The following CYRIB variants were observed in gnomAD, a reference collection of about 807,000 sequenced individuals.
The protein encoded by CYRIB is CYFIP-related Rac1 interactor B.
A neutral mutation model predicts 44.2 loss-of-function variants in CYRIB; 8 were observed. The observed-to-expected ratio is 0.18, with a 90% CI of 0.11 to 0.33. CYRIB has a LOEUF of 0.33. CYRIB is among the 10% of genes least tolerant of loss of function. CYRIB has a pLI of 1.00. For synonymous variants in CYRIB, 131 were observed against 127.2 expected, an observed-to-expected ratio of 1.03 and a Z score of -0.20; for missense variants, 185 against 382.8, an observed-to-expected ratio of 0.48 and a Z score of 4.31.
At chr8:129,931,351 ATC>A (rs2091274450) in intron 1 of CYRIB, among the ~76,000 whole-genome samples, 1 of 152,208 alleles carries the variant, frequency 6.6e-6, no homozygotes, top group Non-Finnish European at 1.5e-5. Flanking sequence ...AAGCAAACTA[ATC>A]TCACACCTTG....
chr8:129,918,035 C>T (rs974793393), intron 1 of CYRIB, among the ~76,000 whole-genome samples: 7 of 152,096 alleles, frequency 4.6e-5, no homozygotes, highest in African/African-American at 1.2e-4. Flanking sequence ...TTCATTTTCA[C>T]GTGTTTACGA....
At chr8:129,855,417 G>T (rs946427074) in intron 6 of CYRIB, among the ~76,000 whole-genome samples, 194 bp downstream of exon 8, 2 of 151,298 alleles carry the variant, frequency 1.3e-5, no homozygotes, top group African/African-American at 4.9e-5. Flanking sequence ...GATTGAGACC[G>T]AATACTCAGT....
At chr8:129,986,216 G>T (rs1392542315) in intron 1 of CYRIB, among the ~76,000 whole-genome samples, 1 of 152,194 alleles carries the variant, frequency 6.6e-6, no homozygotes, top group East Asian at 1.9e-4. Flanking sequence ...TTCAATAAAT[G>T]ATTGCTAAAG....
At chr8:129,846,632 G>A (rs1239493375) in intron 11 of CYRIB, among the ~76,000 whole-genome samples, 172 bp downstream of exon 13, 13 of 152,158 alleles carry the variant, frequency 8.5e-5, no homozygotes, top group Non-Finnish European at 1.3e-4. Flanking sequence ...ATAAAATACC[G>A]TAACCAGTGT....
intron 2 of CYRIB, among the ~76,000 whole-genome samples, chr8:129,884,079 A>G (rs1404195766): frequency 6.6e-6 from 1 of 152,150 alleles, no homozygotes; most frequent in Admixed American, 6.5e-5. Flanking sequence ...AGTGTCCTGG[A>G]GTCATTAATT....
chr8:130,008,963 G>A (rs1224336374), intron 1 of CYRIB, among the ~76,000 whole-genome samples: 4 of 152,224 alleles, frequency 2.6e-5, no homozygotes, highest in African/African-American at 7.2e-5. Flanking sequence ...TCCCAGCACT[G>A]AGGCTCTGTA....
chr8:129,859,885 C>T (rs2048416156), intron 5 of CYRIB, among the ~76,000 whole-genome samples: 1 of 152,206 alleles, frequency 6.6e-6, no homozygotes, highest in Non-Finnish European at 1.5e-5. Context: ...TCTCTTGCCT[C>T]GGCACCTGGG....
intron 5 of CYRIB, among the ~76,000 whole-genome samples, chr8:129,861,507 A>G (rs931573534): frequency 2.0e-5 from 3 of 151,978 alleles, no homozygotes; most frequent in African/African-American, 7.3e-5. Context: ...TGGTGTGATC[A>G]CAGCTACTGC....
At chr8:129,998,957 G>C (rs906566048) in intron 1 of CYRIB, among the ~76,000 whole-genome samples, 25 of 152,236 alleles carry the variant, frequency 1.6e-4, no homozygotes, top group Admixed American at 7.2e-4. Flanking sequence ...ATGCTAAGTA[G>C]AACAGAGAGC....
chr8:129,939,320 G>C (rs960660843), intron 1 of CYRIB, among the ~76,000 whole-genome samples: 2 of 151,932 alleles, frequency 1.3e-5, no homozygotes, highest in East Asian at 1.9e-4. Context: ...ATCTGGGGTG[G>C]GAGGGGGCGG....
In CYRIB at chr8:130,009,261, A is replaced by C. The variant is rs1483148814; in HGVS notation, c.-296+7109T>G. Among the ~76,000 whole-genome samples the C allele has an allele frequency of 4.0e-5, 6 of 150,520 alleles. No individual in the cohort carries two copies. The East Asian group carries it at 1.2e-3, about 29-fold the overall frequency. On this transcript the variant is annotated intron_variant, in intron 1 of 14. Coordinates refer to the CYRIB transcript ENST00000401979. ...TTTCATAAAGCCATCTGAGGAGTTC[A>C]AAAGCATCTTTTTTTTTTTTTTTGA...
At chr8:129,987,590 G>A (rs1300309657) in intron 1 of CYRIB, among the ~76,000 whole-genome samples, 1 of 127,644 alleles carries the variant, frequency 7.8e-6, no homozygotes, top group African/African-American at 3.0e-5. Context: ...TTTTTTATGA[G>A]ACTGAGTCTC....
At chr8:129,909,116 A>C (rs545987129) in intron 1 of CYRIB, among the ~76,000 whole-genome samples, 1 of 152,190 alleles carries the variant, frequency 6.6e-6, no homozygotes, top group African/African-American at 2.4e-5. Context: ...CTCTATTGTA[A>C]ACCCATGCTC....
Position 129,998,191 on chromosome 8 carries a change from C to A in CYRIB, c.-296+18179G>T, listed in dbSNP as rs143645732. 7.3e-3 allele frequency among the ~76,000 whole-genome samples: 1,104 copies of A among 151,846 alleles called. 19 individuals carry two copies. The highest frequency in any genetic ancestry group is 0.025 in the African/African-American group (1,046 of 41,366). On this transcript the variant is annotated intron_variant, in intron 1 of 14. Coordinates refer to the CYRIB transcript ENST00000401979. ...TGCCCCTTCCAGAGCACTGTCAGCTCATCGCAGGACCTCAGTGTCCACATC... is the reference window on the plus strand; with the variant it reads ...TGCCCCTTCCAGAGCACTGTCAGCTAATCGCAGGACCTCAGTGTCCACATC...
At chr8:129,851,995 T>C (rs2043507491) in intron 8 of CYRIB, 167 bp downstream of exon 10, 1 of 404,918 alleles carries the variant, frequency 2.5e-6, no homozygotes. Context: ...TGCAAATACG[T>C]GGACAGGTGT....
At chr8:129,972,445 C>T (rs1376597309) in intron 1 of CYRIB, among the ~76,000 whole-genome samples, 1 of 151,890 alleles carries the variant, frequency 6.6e-6, no homozygotes, top group Non-Finnish European at 1.5e-5. Context: ...AGCGTGGTGG[C>T]ACATGCCTGT....
intron 1 of CYRIB, among the ~76,000 whole-genome samples, chr8:129,919,303 T>C (rs756597141): frequency 3.9e-5 from 6 of 152,208 alleles, no homozygotes; most frequent in South Asian, 2.1e-4. Flanking sequence ...AATAGAACAA[T>C]AGATTTTAAG....
At chr8:129,849,404 C>T in intron 9 of CYRIB, 35 bp from the exon 12 acceptor site, 1 of 1,566,640 alleles carries the variant, frequency 6.4e-7, no homozygotes, top group South Asian at 1.2e-5. Context: ...GGAAGAAGTG[C>T]ATTACAAAAT....
chr8:129,975,298 G>T (rs1053718013), intron 1 of CYRIB, among the ~76,000 whole-genome samples: 1 of 152,204 alleles, frequency 6.6e-6, no homozygotes, highest in Non-Finnish European at 1.5e-5. Context: ...TTACAGGCGT[G>T]AGCCACTGTG....
Sources: gnomAD v4.1 joint callset for allele counts (sites outside exome capture counted in the v4.1 genomes callset) on GRCh38, gnomAD v4.1.1 for gene constraint, MANE v1.5 for transcripts, NCBI Gene and HGNC (gene_info 2026-07-23, HGNC 2026-07-21) for gene names.